Variants in MACROD2 observed in about 807,000 individuals in gnomAD.
MACROD2 encodes the protein ADP-ribose glycohydrolase MACROD2.
In MACROD2, 36 loss-of-function variants were observed where a neutral mutation model predicts 70.4. The observed-to-expected ratio is 0.51, with a 90% CI of 0.39 to 0.68. The LOEUF is 0.68. Among genes scored for constraint, MACROD2 ranks in the 30% least tolerant of loss-of-function variants. The pLI is 0.00. For missense variants in MACROD2, 496 were observed against 538.4 expected, an observed-to-expected ratio of 0.92 and a Z score of 0.78; for synonymous variants, 172 against 178.8, an observed-to-expected ratio of 0.96 and a Z score of 0.30.
intron 6 of MACROD2, among the ~76,000 whole-genome samples, chr20:15,295,985 T>C (rs541323905): frequency 5.9e-5 from 9 of 152,312 alleles, no homozygotes; most frequent in Admixed American, 2.0e-4. Context: ...CACAATCCTA[T>C]AAAATCCCCA....
intron 7 of MACROD2, among the ~76,000 whole-genome samples, chr20:15,470,025 T>G (rs578146632): frequency 1.8e-4 from 28 of 152,214 alleles, no homozygotes; most frequent in African/African-American, 5.5e-4. Flanking sequence ...TAAGTCTATT[T>G]ATCTTTCTGT....
At chr20:15,855,692 G>C (rs1383968827) in intron 8 of MACROD2, among the ~76,000 whole-genome samples, 1 of 151,964 alleles carries the variant, frequency 6.6e-6, no homozygotes, top group African/African-American at 2.4e-5. Context: ...TCCACCCCAG[G>C]GTAATTGTTA....
chr20:15,975,464 G>C (rs1292955074), intron 13 of MACROD2, among the ~76,000 whole-genome samples: 1 of 151,356 alleles, frequency 6.6e-6, no homozygotes, highest in Non-Finnish European at 1.5e-5. Flanking sequence ...ATGTTTAATG[G>C]CAAAAAAAAA....
chr20:15,349,236 CATA>C (rs1185019462), intron 6 of MACROD2, among the ~76,000 whole-genome samples: 4 of 152,150 alleles, frequency 2.6e-5, no homozygotes, highest in African/African-American at 9.7e-5. Context: ...AACCAAAAAT[CATA>C]ATCTTTTTTC....
intron 5 of MACROD2, among the ~76,000 whole-genome samples, chr20:15,070,620 A>G (rs933733644): frequency 1.3e-5 from 2 of 151,794 alleles, no homozygotes; most frequent in African/African-American, 4.8e-5. Context: ...AGAGCCTGGC[A>G]CCTCCTCCGC....
intron 8 of MACROD2, among the ~76,000 whole-genome samples, chr20:15,641,103 G>A (rs1025595025): frequency 3.9e-5 from 6 of 152,216 alleles, no homozygotes; most frequent in African/African-American, 1.4e-4. Flanking sequence ...GTTTATTGGA[G>A]TTGCTGATTG....
chr20:16,028,385 AT>A (rs11483358), intron 15 of MACROD2, among the ~76,000 whole-genome samples: 46,205 of 146,462 alleles, frequency 0.32, 7,386 homozygotes, highest in Middle Eastern at 0.46. Context: ...CCTGGTGGAC[AT>A]TTTTTTTTTT....
At chr20:14,167,706 A>G (rs2081184025) in intron 3 of MACROD2, among the ~76,000 whole-genome samples, 1 of 152,114 alleles carries the variant, frequency 6.6e-6, no homozygotes, top group African/African-American at 2.4e-5. Flanking sequence ...TTTTTATAAT[A>G]CTGAAGTAAA....
chr20:15,732,336 C>T (rs1490463894), intron 8 of MACROD2, among the ~76,000 whole-genome samples: 2 of 152,134 alleles, frequency 1.3e-5, no homozygotes, highest in Non-Finnish European at 2.9e-5. Flanking sequence ...CCAGTACCTG[C>T]AGGTCACAGA....
intron 8 of MACROD2, among the ~76,000 whole-genome samples, chr20:15,509,018 G>T (rs1368280261): frequency 1.3e-5 from 2 of 152,118 alleles, no homozygotes; most frequent in Non-Finnish European, 2.9e-5. Context: ...AAAAGGTTGA[G>T]AATCATTTGG....
chr20:14,268,218 C>T (rs2082160213), intron 3 of MACROD2, among the ~76,000 whole-genome samples: 1 of 152,026 alleles, frequency 6.6e-6, no homozygotes, highest in Non-Finnish European at 1.5e-5. Context: ...TATACTTTAG[C>T]TTAGCAGAAT....
chr20:15,593,544 C>A (rs2146673227), intron 8 of MACROD2, among the ~76,000 whole-genome samples: 1 of 152,234 alleles, frequency 6.6e-6, no homozygotes, highest in East Asian at 1.9e-4. Flanking sequence ...CCCGTGTTAA[C>A]CCTATTTTAA....
chr20:15,650,408 AC>A (rs767961695), intron 8 of MACROD2, among the ~76,000 whole-genome samples: 13 of 152,098 alleles, frequency 8.5e-5, no homozygotes, highest in Admixed American at 6.5e-5. Flanking sequence ...TCTCCATACT[AC>A]CGCCTTTCTT....
intron 6 of MACROD2, among the ~76,000 whole-genome samples, chr20:15,261,218 T>C (rs979517798): frequency 6.6e-6 from 1 of 151,982 alleles, no homozygotes; most frequent in Non-Finnish European, 1.5e-5. Flanking sequence ...TTTATACGGT[T>C]TGGCATTGAT....
chr20:15,806,119 T>C (rs73900268), intron 8 of MACROD2, among the ~76,000 whole-genome samples: 209 of 152,322 alleles, frequency 1.4e-3, no homozygotes, highest in Admixed American at 5.8e-3. Flanking sequence ...ACATATAAAA[T>C]TACTTATCTC....
intron 4 of MACROD2, among the ~76,000 whole-genome samples, chr20:14,598,381 T>A (rs1198630376): frequency 6.6e-6 from 1 of 152,172 alleles, no homozygotes; most frequent in African/African-American, 2.4e-5. Flanking sequence ...ACCTTCATTA[T>A]GAACATTCTA....
chr20:15,796,555 T>C (rs550317555), intron 8 of MACROD2, among the ~76,000 whole-genome samples: 1 of 152,364 alleles, frequency 6.6e-6, no homozygotes, highest in Non-Finnish European at 1.5e-5. Flanking sequence ...TGGGTTGATA[T>C]GCACAGTATG....
At chr20:14,830,266 A>C (rs1401802908) in intron 5 of MACROD2, among the ~76,000 whole-genome samples, 2 of 152,066 alleles carry the variant, frequency 1.3e-5, no homozygotes, top group Admixed American at 6.6e-5. Flanking sequence ...CTGAGTGGTA[A>C]TTGGGCTGTG....
intron 3 of MACROD2, among the ~76,000 whole-genome samples, chr20:14,194,183 A>G (rs1244864211): frequency 6.6e-6 from 1 of 152,168 alleles, no homozygotes; most frequent in East Asian, 1.9e-4. Flanking sequence ...TCCTGAAGAC[A>G]TGGATCTCAG....
Sources: allele counts gnomAD v4.1 joint callset (sites outside exome capture counted in the v4.1 genomes callset), GRCh38; gene constraint gnomAD v4.1.1; transcripts MANE v1.5; gene names NCBI Gene and HGNC (gene_info 2026-07-23, HGNC 2026-07-21).